Variants in CADM2 observed in about 807,000 individuals in gnomAD.
The protein encoded by CADM2 is immunoglobulin superfamily member 4D.
CADM2 carries 12 observed loss-of-function variants against 49.8 expected under a neutral mutation model. The ratio of observed to expected loss-of-function variants is 0.24; its 90% CI spans 0.15 to 0.39. The LOEUF is 0.39. Among genes scored for constraint, CADM2 ranks in the 10% least tolerant of loss-of-function variants. CADM2 has a pLI of 1.00. For missense variants in CADM2, 378 were observed against 492.3 expected (o/e 0.77, Z 2.20); for synonymous variants, 214 against 175.4 (o/e 1.22, Z -1.74).
At chr3:85,140,506 A>G (rs2039545773) in intron 1 of CADM2, among the ~76,000 whole-genome samples, 1 of 152,196 alleles carries the variant, frequency 6.6e-6, no homozygotes, top group Admixed American at 6.5e-5. Context: ...CTAGATTCTC[A>G]AATACCTTTT....
At chr3:85,651,372 T>C (rs2065037626) in intron 1 of CADM2, among the ~76,000 whole-genome samples, 2 of 152,154 alleles carry the variant, frequency 1.3e-5, no homozygotes, top group South Asian at 4.1e-4. Context: ...GTATTCGTAC[T>C]CCACCCATTC....
chr3:85,136,335 ATGTGTG>A (rs5850671), intron 1 of CADM2, among the ~76,000 whole-genome samples: 1 of 149,280 alleles, frequency 6.7e-6, no homozygotes, highest in Non-Finnish European at 1.5e-5. Context: ...GTACTGAGTA[ATGTGTG>A]TGTGTGTGTG....
chr3:85,454,106 G>A (rs892782277), intron 1 of CADM2, among the ~76,000 whole-genome samples: 2 of 152,096 alleles, frequency 1.3e-5, no homozygotes, highest in East Asian at 1.9e-4. Flanking sequence ...CGTAATCCAA[G>A]CATTTTGGGA....
chr3:85,041,433 A>C (rs2035437307), intron 1 of CADM2, among the ~76,000 whole-genome samples: 1 of 152,146 alleles, frequency 6.6e-6, no homozygotes, highest in Admixed American at 6.5e-5. Flanking sequence ...AGAATAGGAG[A>C]AAGACGGAAG....
At chr3:85,823,762 G>A (rs1205875597) in intron 3 of CADM2, among the ~76,000 whole-genome samples, 2 of 152,114 alleles carry the variant, frequency 1.3e-5, no homozygotes, top group African/African-American at 4.8e-5. Flanking sequence ...TATCTGAACT[G>A]AAAAAGTGGA....
At chr3:85,999,010 G>T (rs75214281) in intron 8 of CADM2, among the ~76,000 whole-genome samples, 250 of 152,160 alleles carry the variant, frequency 1.6e-3, no homozygotes, top group African/African-American at 5.8e-3. Flanking sequence ...GAAATATAAG[G>T]GGTAAGGGTT....
At chr3:85,111,739 A>G (rs1271073148) in intron 1 of CADM2, among the ~76,000 whole-genome samples, 3 of 151,908 alleles carry the variant, frequency 2.0e-5, no homozygotes, top group Non-Finnish European at 4.4e-5. Flanking sequence ...ATATTTTTAA[A>G]TAACTTAAAG....
chr3:85,675,275 C>T (rs1378456125), intron 1 of CADM2, among the ~76,000 whole-genome samples: 1 of 152,054 alleles, frequency 6.6e-6, no homozygotes, highest in African/African-American at 2.4e-5. Context: ...GCTCCTGTAT[C>T]TTAGGATACA....
chr3:85,547,164 C>T (rs961979214), intron 1 of CADM2, among the ~76,000 whole-genome samples: 3 of 151,660 alleles, frequency 2.0e-5, no homozygotes, highest in African/African-American at 7.3e-5. Flanking sequence ...TGCAAAATTT[C>T]ATTTGAAAAC....
intron 1 of CADM2, among the ~76,000 whole-genome samples, chr3:85,482,175 A>C (rs1412135337): frequency 1.3e-5 from 2 of 151,774 alleles, no homozygotes; most frequent in South Asian, 4.1e-4. Context: ...CTGAATCTGT[A>C]GCTTGTCTCT....
intron 1 of CADM2, among the ~76,000 whole-genome samples, chr3:85,447,065 T>C (rs2037503335): frequency 6.9e-6 from 1 of 145,480 alleles, no homozygotes; most frequent in Non-Finnish European, 1.5e-5. Flanking sequence ...ATTTCACTTT[T>C]ATAGTTATAA....
intron 8 of CADM2, among the ~76,000 whole-genome samples, chr3:85,990,193 T>A (rs977400521): frequency 6.6e-6 from 1 of 152,114 alleles, no homozygotes; most frequent in Non-Finnish European, 1.5e-5. Flanking sequence ...TACACGTCAG[T>A]AGAATCCATA....
chr3:85,631,800 C>A (rs1279659366), intron 1 of CADM2, among the ~76,000 whole-genome samples: 1 of 151,938 alleles, frequency 6.6e-6, no homozygotes, highest in Non-Finnish European at 1.5e-5. Context: ...TTGGAACAAT[C>A]AATATTTACC....
At chr3:85,464,002 G>C (rs909729472) in intron 1 of CADM2, among the ~76,000 whole-genome samples, 1 of 152,084 alleles carries the variant, frequency 6.6e-6, no homozygotes, top group Non-Finnish European at 1.5e-5. Flanking sequence ...TTGCTTTTCT[G>C]TTTTTTAAGT....
chr3:85,698,609 C>A (rs1352511432), intron 1 of CADM2, among the ~76,000 whole-genome samples: 1 of 151,972 alleles, frequency 6.6e-6, no homozygotes, highest in African/African-American at 2.4e-5. Flanking sequence ...TGGGAAGTTG[C>A]CACACATTTT....
intron 1 of CADM2, among the ~76,000 whole-genome samples, chr3:85,719,701 G>A (rs993412599): frequency 2.0e-5 from 3 of 151,394 alleles, no homozygotes; most frequent in East Asian, 1.9e-4. Flanking sequence ...GATGGCAGAG[G>A]CAGGAGAAAA....
chr3:85,133,621 T>C (rs945837554), intron 1 of CADM2, among the ~76,000 whole-genome samples: 10 of 146,990 alleles, frequency 6.8e-5, no homozygotes, highest in Non-Finnish European at 1.3e-4. Flanking sequence ...CCAGAGTAGC[T>C]AGATACAGAG....
At chr3:85,599,639 G>C (rs1369584139) in intron 1 of CADM2, among the ~76,000 whole-genome samples, 1 of 151,458 alleles carries the variant, frequency 6.6e-6, no homozygotes, top group African/African-American at 2.4e-5. Flanking sequence ...ATTATTTTCT[G>C]TTAAAATTAT....
intron 1 of CADM2, among the ~76,000 whole-genome samples, chr3:85,280,460 C>T (rs975430663): frequency 2.6e-5 from 4 of 151,332 alleles, no homozygotes; most frequent in Non-Finnish European, 5.9e-5. Context: ...AGTTGTTTTT[C>T]GCTTGCAACT....
Sources: gnomAD v4.1 joint callset for allele counts (sites outside exome capture counted in the v4.1 genomes callset) on GRCh38, gnomAD v4.1.1 for gene constraint, MANE v1.5 for transcripts, NCBI Gene and HGNC (gene_info 2026-07-23, HGNC 2026-07-21) for gene names.